The following RMND1 variants were observed in gnomAD, a reference collection of about 807,000 sequenced individuals.
RMND1 encodes the protein required for meiotic nuclear division 1 homolog, also known as required for meiotic nuclear division protein 1 homolog.
Under a neutral mutation model 54.0 loss-of-function variants are expected in RMND1, and 41 were observed. The ratio of observed to expected loss-of-function variants is 0.76; its 90% CI spans 0.59 to 0.98. RMND1 has a LOEUF of 0.98. Ranked by LOEUF, RMND1 falls within the 50% of genes least tolerant of loss-of-function variation. RMND1 has a pLI of 0.00. For missense variants in RMND1, 457 were observed against 532.0 expected, an observed-to-expected ratio of 0.86 and a Z score of 1.39; for synonymous variants, 183 against 181.7, an observed-to-expected ratio of 1.01 and a Z score of -0.06.
intron 6 of RMND1, among the ~76,000 whole-genome samples, chr6:151,424,335 C>T (rs112869064): frequency 4.1e-4 from 62 of 151,878 alleles, no homozygotes; most frequent in Middle Eastern, 3.4e-3. Flanking sequence ...TGGTGGCGGG[C>T]GCCTGTAGTC....
At position 151,436,517 on chromosome 6, in the gene RMND1, T is replaced by C; in HGVS notation, c.542A>G (p.Glu181Gly). 1 of 1,614,014 alleles carries C rather than the reference T, an allele frequency of 6.2e-7. No homozygotes were observed. The change falls in exon 3 of 12, where the codon GAG becomes GGG. Residue 181 changes from glutamate to glycine, a missense_variant. Transcript: ENST00000444024. Reference protein sequence around the residue: ...MHCTAFATADEYHLGNLSQDL... With the variant: ...MHCTAFATADGYHLGNLSQDL... ...TTGAGACAGATTTCCCAGATGATACTCATCTGCCGTTGCAAATGCTGTGCA... is the reference window on the plus strand; with the variant it reads ...TTGAGACAGATTTCCCAGATGATACCCATCTGCCGTTGCAAATGCTGTGCA...
intron 4 of RMND1, 48 bp downstream of exon 4, chr6:151,433,107 C>A (rs1381772188): frequency 1.6e-6 from 2 of 1,220,842 alleles, no homozygotes; most frequent in Non-Finnish European, 2.4e-6. Flanking sequence ...ACCACAATTA[C>A]TTGACCCAAA....
chr6:151,410,334 C>A (rs781408181), intron 10 of RMND1, among the ~76,000 whole-genome samples: 44 of 152,248 alleles, frequency 2.9e-4, no homozygotes, highest in Non-Finnish European at 4.9e-4. Context: ...GGATTACAGG[C>A]ATGAGCCACC....
chr6:151,445,822 C>A lies in RMND1; in HGVS notation c.-11G>T. The A allele has an allele frequency of 6.4e-7, 1 of 1,570,158 alleles. No individual in the cohort carries two copies. The highest frequency in any genetic ancestry group is 1.2e-5 in the South Asian group (1 of 86,250). On this transcript the variant is annotated 5_prime_UTR_variant, in exon 2 of 12. Transcript: ENST00000444024. ...GAGTGTGGCTGGCATTACCACATCC[C>A]AAGCTAAAAGAAAAGGAATTCAAAG...
intron 2 of RMND1, among the ~76,000 whole-genome samples, chr6:151,441,007 T>C (rs550765390): frequency 2.2e-4 from 33 of 152,286 alleles, no homozygotes; most frequent in African/African-American, 7.2e-4. Flanking sequence ...AACCAACCGA[T>C]AATAGTTATG....
At chr6:151,406,829 A>G (rs1051650415) in intron 10 of RMND1, among the ~76,000 whole-genome samples, 1 of 152,156 alleles carries the variant, frequency 6.6e-6, no homozygotes, top group African/African-American at 2.4e-5. Context: ...GGAATGCGTT[A>G]ACTGCACCAT....
chr6:151,432,710 G>A (rs1478104004), intron 4 of RMND1, among the ~76,000 whole-genome samples: 2 of 152,072 alleles, frequency 1.3e-5, no homozygotes, highest in South Asian at 2.1e-4. Context: ...GAGTCTCCTA[G>A]TCTAAAACCT....
chr6:151,405,709 T>G lies in RMND1; in HGVS notation c.1317+11A>C. 1 of 1,305,808 alleles carries G rather than the reference T, an allele frequency of 7.7e-7. No individual in the cohort carries two copies. Among genetic ancestry groups the G allele is most frequent in the Non-Finnish European group, 1.1e-6 (1 of 899,728 alleles). 80.9% of individuals were successfully genotyped at this position (1,305,808 alleles called of 1,614,324 possible). On this transcript the variant is annotated intron_variant, in intron 11 of 11. Transcript: ENST00000444024. ...GGTAACTGATCATAGTACAGAGCAT[T>G]TCCATCTTACCTCTATGGTAATGAG...
chr6:151,405,336 GA>G, intron 11 of RMND1, 69 bp from the exon 12 acceptor site: 1 of 1,394,534 alleles, frequency 7.2e-7, no homozygotes, highest in Non-Finnish European at 1.0e-6. Flanking sequence ...TGACTTCCAA[GA>G]TTGTGATTAA....
chr6:151,444,376 G>A lies in RMND1; in HGVS notation c.504+932C>T, dbSNP rs3800278. 3 of 152,204 alleles carry A rather than the reference G, an allele frequency of 2.0e-5. No homozygotes were observed. The South Asian group carries it at 6.2e-4, about 32-fold the overall frequency. The allele number at this position is 152,204 out of a possible 1,614,324, so 9.4% of individuals were successfully genotyped here. On this transcript the variant is annotated intron_variant, in intron 2 of 11. Transcript: ENST00000444024. ...TCCTGAGTTCAGAGTAACCACACAAGAATTGAAAGCATTCCAGAATCCAAC... is the reference window on the plus strand; with the variant it reads ...TCCTGAGTTCAGAGTAACCACACAAAAATTGAAAGCATTCCAGAATCCAAC...
At chr6:151,447,907 C>T (rs945003301) in intron 1 of RMND1, among the ~76,000 whole-genome samples, 2 of 150,718 alleles carry the variant, frequency 1.3e-5, no homozygotes, top group African/African-American at 2.5e-5. Context: ...TCCGCCTCCC[C>T]GGTTCAAGCG....
intron 3 of RMND1, chr6:151,436,182 T>A: frequency 3.3e-6 from 1 of 307,004 alleles, no homozygotes; most frequent in Non-Finnish European, 6.2e-6. Flanking sequence ...GTGCTAGAAA[T>A]GAAGTAGTAT....
At chr6:151,449,464 T>C (rs1368904284) in intron 1 of RMND1, among the ~76,000 whole-genome samples, 1 of 152,118 alleles carries the variant, frequency 6.6e-6, no homozygotes, top group Non-Finnish European at 1.5e-5. Context: ...CTCCTTTGCT[T>C]ATTTTGCTCC....
At position 151,450,440 on chromosome 6, in the gene RMND1, G is replaced by A. The variant is rs1337283575; in HGVS notation, c.-15+1576C>T. Among the ~76,000 whole-genome samples the A allele has an allele frequency of 8.3e-4, 103 of 124,386 alleles. 5 individuals carry two copies. The highest frequency in any genetic ancestry group is 3.0e-3 in the African/African-American group (99 of 33,518). 81.6% of individuals were successfully genotyped at this position (124,386 alleles called of 152,430 possible). On this transcript the variant is annotated intron_variant, in intron 1 of 11. Transcript: ENST00000444024. The stretch of plus-strand genomic sequence containing the variant: ...CCCCGCCCGGCCAGCCACCCCGTCT[G>A]GGAGGGAGGTGGGGGGGCCAGCCCC...
At position 151,412,141 on chromosome 6, in the gene RMND1, A is replaced by G. The variant is rs142344057; in HGVS notation, c.1200+5138T>C. 1.9e-3 allele frequency among the ~76,000 whole-genome samples: 295 copies of G among 152,182 alleles called. 3 individuals carry two copies. The East Asian group carries it at 0.028, about 14-fold the overall frequency. The stretch of plus-strand genomic sequence containing the variant: ...CTCAGCCTCCCAAGTGACTGGGATT[A>G]CAGGCGTCCACCACCATGCCCAGCT... On this transcript the variant is annotated intron_variant, in intron 10 of 11. Coordinates refer to ENST00000444024, the MANE Select transcript of RMND1 (RefSeq NM_017909.4).
intron 3 of RMND1, among the ~76,000 whole-genome samples, chr6:151,435,921 A>G (rs1780590106): frequency 6.6e-6 from 1 of 151,532 alleles, no homozygotes; most frequent in African/African-American, 2.4e-5. Flanking sequence ...CCTGACCAAC[A>G]TGGAGAAACA....
rs190150539 is a variant in RMND1, at chr6:151,422,803, T to C, written c.938-198A>G. 1.7e-3 allele frequency among the ~76,000 whole-genome samples: 266 copies of C among 152,344 alleles called. 4 individuals are homozygous for C. Among genetic ancestry groups the C allele is most frequent in the East Asian group, 5.4e-3 (28 of 5,186 alleles). On this transcript the variant is annotated intron_variant, in intron 7 of 11. Coordinates refer to ENST00000444024, the MANE Select transcript of RMND1 (RefSeq NM_017909.4). The stretch of plus-strand genomic sequence containing the variant: ...GTGGATAGAGGAAACTGAATCGCTT[T>C]CCATGCCCTATTGGAAGACCAAAGC...
chr6:151,447,388 C>T (rs964857355), intron 1 of RMND1, among the ~76,000 whole-genome samples: 2 of 152,146 alleles, frequency 1.3e-5, no homozygotes, highest in Admixed American at 6.5e-5. Context: ...ACTCTGAGCG[C>T]TTTCTACATG....
intron 6 of RMND1, 67 bp downstream of exon 6, chr6:151,427,415 C>A: frequency 1.2e-6 from 1 of 865,294 alleles, no homozygotes; most frequent in South Asian, 1.5e-5. Context: ...AATAATTTGT[C>A]TCCTCTATTG....
Sources: allele counts gnomAD v4.1 joint callset (sites outside exome capture counted in the v4.1 genomes callset), GRCh38; gene constraint gnomAD v4.1.1; transcripts MANE v1.5; gene names NCBI Gene and HGNC (gene_info 2026-07-23, HGNC 2026-07-21).